CSMD1: variants seen among roughly 807,000 people sequenced by gnomAD.
CSMD1 encodes CUB and sushi domain-containing protein 1.
A neutral mutation model predicts 417.5 loss-of-function variants in CSMD1; 213 were observed. The observed-to-expected ratio is 0.51, with a 90% CI of 0.46 to 0.57. The LOEUF (loss-of-function observed/expected upper bound fraction) is 0.57, where lower values mean the gene tolerates loss of function less well. Among genes scored for constraint, CSMD1 ranks in the 20% least tolerant of loss-of-function variants. CSMD1 has a pLI of 0.00. For missense variants in CSMD1, 6,923 were observed against 4,529.7 expected, an observed-to-expected ratio of 1.53 and a Z score of -15.17; for synonymous variants, 2,862 against 1,736.8, an observed-to-expected ratio of 1.65 and a Z score of -16.11.
chr8:4,451,876 T>A (rs943834740), intron 2 of CSMD1, among the ~76,000 whole-genome samples: 3 of 151,650 alleles, frequency 2.0e-5, no homozygotes, highest in Admixed American at 2.0e-4. Context: ...TCAAACCTCA[T>A]GTGTTCTCTT....
chr8:3,494,573 T>C (rs1266244267), intron 10 of CSMD1, among the ~76,000 whole-genome samples: 10 of 148,678 alleles, frequency 6.7e-5, no homozygotes, highest in African/African-American at 1.0e-4. Context: ...GATAGATAGA[T>C]AGATAGATAG....
At chr8:4,093,804 T>C (rs1306898161) in intron 3 of CSMD1, among the ~76,000 whole-genome samples, 1 of 151,932 alleles carries the variant, frequency 6.6e-6, no homozygotes, top group Non-Finnish European at 1.5e-5. Context: ...CTACTAAAAA[T>C]ACAAAAAGTA....
intron 2 of CSMD1, among the ~76,000 whole-genome samples, chr8:4,461,970 C>T (rs1177990561): frequency 2.6e-5 from 4 of 151,876 alleles, no homozygotes; most frequent in East Asian, 1.9e-4. Flanking sequence ...CTCTATCTCC[C>T]GACCTCCTGA....
intron 5 of CSMD1, among the ~76,000 whole-genome samples, chr8:3,838,454 T>C (rs28612832): frequency 0.26 from 37,739 of 147,794 alleles, 5,759 homozygotes; most frequent in Admixed American, 0.35. Context: ...AGACTATACA[T>C]ATATAGGCTA....
chr8:4,848,324 A>C (rs1801263712), intron 1 of CSMD1, among the ~76,000 whole-genome samples: 1 of 152,162 alleles, frequency 6.6e-6, no homozygotes, highest in Non-Finnish European at 1.5e-5. Flanking sequence ...GTGCTGGATA[A>C]CCACCTTTTG....
chr8:3,948,196 T>A (rs1460099976), intron 5 of CSMD1, among the ~76,000 whole-genome samples: 1 of 152,002 alleles, frequency 6.6e-6, no homozygotes, highest in African/African-American at 2.4e-5. Flanking sequence ...AGACCAAGAC[T>A]CCGTCTAAAT....
chr8:4,468,555 G>C (rs1188549351), intron 2 of CSMD1, among the ~76,000 whole-genome samples: 1 of 152,074 alleles, frequency 6.6e-6, no homozygotes, highest in Non-Finnish European at 1.5e-5. Flanking sequence ...CTTGTCCCCA[G>C]CTAAATCCTC....
At chr8:3,726,558 T>C (rs1390169346) in intron 6 of CSMD1, among the ~76,000 whole-genome samples, 1 of 152,202 alleles carries the variant, frequency 6.6e-6, no homozygotes, top group African/African-American at 2.4e-5. Flanking sequence ...TTTTGAATCT[T>C]CATGTTTTCA....
chr8:3,708,975 G>C (rs1801337795), intron 6 of CSMD1, among the ~76,000 whole-genome samples: 3 of 152,142 alleles, frequency 2.0e-5, no homozygotes, highest in African/African-American at 7.2e-5. Context: ...TGGGGAGCAA[G>C]TAGAGGAAAG....
chr8:4,025,181 C>A (rs930983218), intron 4 of CSMD1, among the ~76,000 whole-genome samples: 3 of 152,234 alleles, frequency 2.0e-5, no homozygotes, highest in East Asian at 1.9e-4. Context: ...AATGCACCCC[C>A]TCCTGGGGGA....
intron 1 of CSMD1, among the ~76,000 whole-genome samples, chr8:4,645,105 G>A (rs1168129548): frequency 6.6e-6 from 1 of 152,166 alleles, no homozygotes; most frequent in Non-Finnish European, 1.5e-5. Context: ...TCAGCAGCCT[G>A]ATTGTCGAAA....
intron 7 of CSMD1, among the ~76,000 whole-genome samples, chr8:3,698,258 T>C (rs17066961): frequency 0.14 from 21,992 of 152,176 alleles, 1,971 homozygotes; most frequent in East Asian, 0.25. Flanking sequence ...ATAATTTACT[T>C]ACCTGACTGA....
chr8:4,403,093 A>C (rs1183135816), intron 3 of CSMD1, among the ~76,000 whole-genome samples: 1 of 151,700 alleles, frequency 6.6e-6, no homozygotes, highest in African/African-American at 2.4e-5. Context: ...AGCCTCCCAA[A>C]GTGCTGGGAT....
chr8:4,702,109 G>A (rs1807597019), intron 1 of CSMD1, among the ~76,000 whole-genome samples: 1 of 152,156 alleles, frequency 6.6e-6, no homozygotes, highest in African/African-American at 2.4e-5. Flanking sequence ...AGCCTGTCAG[G>A]GATGAGGTGG....
intron 2 of CSMD1, among the ~76,000 whole-genome samples, chr8:4,469,211 G>A (rs1270730636): frequency 6.6e-6 from 1 of 152,124 alleles, no homozygotes; most frequent in Non-Finnish European, 1.5e-5. Context: ...CCTCTCCAAG[G>A]CCAAGACCTA....
At chr8:4,729,486 C>G (rs938287740) in intron 1 of CSMD1, among the ~76,000 whole-genome samples, 18 of 152,106 alleles carry the variant, frequency 1.2e-4, no homozygotes, top group Non-Finnish European at 2.1e-4. Flanking sequence ...AAAAGTGAGT[C>G]ACACAAAAGT....
chr8:4,291,739 C>G (rs540470220), intron 3 of CSMD1, among the ~76,000 whole-genome samples: 2 of 152,164 alleles, frequency 1.3e-5, no homozygotes, highest in South Asian at 4.1e-4. Context: ...TATGCGGAGA[C>G]AAAAGTTAAA....
At chr8:4,508,168 T>A (rs1802631530) in intron 2 of CSMD1, among the ~76,000 whole-genome samples, 1 of 150,648 alleles carries the variant, frequency 6.6e-6, no homozygotes, top group African/African-American at 2.4e-5. Flanking sequence ...ATATTTTTTT[T>A]TTTTTCAATT....
At chr8:4,570,435 G>A (rs1043709033) in intron 2 of CSMD1, among the ~76,000 whole-genome samples, 7 of 152,124 alleles carry the variant, frequency 4.6e-5, no homozygotes, top group African/African-American at 9.7e-5. Flanking sequence ...GATGGATTAC[G>A]CCTATTGATT....
Sources: gnomAD v4.1 joint callset for allele counts (sites outside exome capture counted in the v4.1 genomes callset) on GRCh38, gnomAD v4.1.1 for gene constraint, MANE v1.5 for transcripts, NCBI Gene and HGNC (gene_info 2026-07-23, HGNC 2026-07-21) for gene names.